GRIN2A: variants seen among roughly 807,000 people sequenced by gnomAD.
GRIN2A encodes the protein glutamate receptor ionotropic, NMDA 2A.
In GRIN2A, 22 loss-of-function variants were observed where a neutral mutation model predicts 113.4. The ratio of observed to expected loss-of-function variants is 0.19; its 90% CI spans 0.14 to 0.28. The LOEUF (loss-of-function observed/expected upper bound fraction) is 0.28. GRIN2A is among the 10% of genes least tolerant of loss of function. The pLI is 1.00. For synonymous variants in GRIN2A, 827 were observed against 738.4 expected, an observed-to-expected ratio of 1.12 and a Z score of -1.94; for missense variants, 1,502 against 1,887.0, an observed-to-expected ratio of 0.80 and a Z score of 3.78.
At chr16:10,142,503 G>C (rs944379608) in intron 2 of GRIN2A, among the ~76,000 whole-genome samples, 1 of 152,064 alleles carries the variant, frequency 6.6e-6, no homozygotes, top group Non-Finnish European at 1.5e-5. Context: ...GACCAGCCTG[G>C]GCAACACAGC....
intron 2 of GRIN2A, among the ~76,000 whole-genome samples, chr16:9,972,802 C>T (rs540517085): frequency 5.3e-5 from 8 of 152,078 alleles, no homozygotes; most frequent in African/African-American, 1.9e-4. Context: ...TAGACAGAGC[C>T]GATTTATCAA....
chr16:9,820,545 A>C (rs1023106192), intron 10 of GRIN2A, among the ~76,000 whole-genome samples: 1 of 152,274 alleles, frequency 6.6e-6, no homozygotes. Flanking sequence ...AGATTAGGAC[A>C]GAGACATCCA....
chr16:9,759,914 ACT>A lies in GRIN2A; in HGVS notation c.*3233_*3234del, dbSNP rs56746054. On this transcript the variant is annotated 3_prime_UTR_variant, in exon 13 of 13. Coordinates refer to ENST00000330684, the MANE Select transcript of GRIN2A (RefSeq NM_001134407.3). ...TCAAGTACAGTTTATGCTCTAGAAG[ACT>A]CTCTTACCCAGAGTATTTTAAATTG... 919 of 230,862 alleles carry A rather than the reference ACT, an allele frequency of 4.0e-3. 6 individuals carry two copies. Among genetic ancestry groups the A allele is most frequent in the African/African-American group, 0.019 (860 of 45,274 alleles). 14.3% of individuals were successfully genotyped at this position (230,862 alleles called of 1,614,324 possible).
At chr16:9,861,471 G>C (rs147938502) in intron 4 of GRIN2A, among the ~76,000 whole-genome samples, 1 of 152,166 alleles carries the variant, frequency 6.6e-6, no homozygotes, top group Non-Finnish European at 1.5e-5. Flanking sequence ...CAAACAAACC[G>C]ATCACAGGTT....
chr16:9,812,593 G>A (rs889469637), intron 10 of GRIN2A, among the ~76,000 whole-genome samples: 2 of 152,114 alleles, frequency 1.3e-5, no homozygotes, highest in Admixed American at 1.3e-4. Context: ...AGCTGAGATA[G>A]TACCGCTGCA....
chr16:9,947,175 T>C (rs2045039224), intron 2 of GRIN2A, among the ~76,000 whole-genome samples: 2 of 152,192 alleles, frequency 1.3e-5, no homozygotes, highest in Admixed American at 6.5e-5. Context: ...TCTTCCCTTT[T>C]TCCTGGGACA....
intron 2 of GRIN2A, among the ~76,000 whole-genome samples, chr16:10,116,827 T>C (rs13337372): frequency 0.065 from 9,878 of 152,116 alleles, 653 homozygotes; most frequent in African/African-American, 0.16. Flanking sequence ...AAGACAGTTC[T>C]GGGGGGCATT....
chr16:10,031,195 CT>C (rs1567246109), intron 2 of GRIN2A: 2 of 152,150 alleles, frequency 1.3e-5, no homozygotes, highest in African/African-American at 4.8e-5. Context: ...TACAATCTGC[CT>C]CTTTTAATCC....
chr16:10,078,930 C>T (rs548096037), intron 2 of GRIN2A, among the ~76,000 whole-genome samples: 55 of 152,348 alleles, frequency 3.6e-4, no homozygotes, highest in African/African-American at 1.3e-3. Flanking sequence ...ATTCTGAATC[C>T]CCAGTGTCTT....
chr16:10,094,648 C>G (rs1280549575), intron 2 of GRIN2A, among the ~76,000 whole-genome samples: 1 of 151,972 alleles, frequency 6.6e-6, no homozygotes, highest in East Asian at 1.9e-4. Context: ...CAGGGTTTCA[C>G]CACGTTGGCC....
At chr16:9,792,512 C>G (rs1902673137) in intron 11 of GRIN2A, among the ~76,000 whole-genome samples, 1 of 152,146 alleles carries the variant, frequency 6.6e-6, no homozygotes, top group Non-Finnish European at 1.5e-5. Context: ...GCATGAGCCA[C>G]TGCACCTAGC....
chr16:9,866,921 A>G (rs1049395307), intron 4 of GRIN2A, among the ~76,000 whole-genome samples: 1 of 152,100 alleles, frequency 6.6e-6, no homozygotes, highest in Non-Finnish European at 1.5e-5. Context: ...GCTTGACTCA[A>G]ATGACTCTGA....
intron 3 of GRIN2A, among the ~76,000 whole-genome samples, chr16:9,909,478 G>A (rs982444235): frequency 7.9e-5 from 12 of 152,206 alleles, no homozygotes; most frequent in Non-Finnish European, 1.2e-4. Context: ...TTGCCATTGA[G>A]CAACTGAAAT....
chr16:10,013,346 C>G (rs2046544258), intron 2 of GRIN2A, among the ~76,000 whole-genome samples: 1 of 152,188 alleles, frequency 6.6e-6, no homozygotes, highest in South Asian at 2.1e-4. Flanking sequence ...GGCCATCCAG[C>G]CTTAAGCATC....
intron 3 of GRIN2A, among the ~76,000 whole-genome samples, chr16:9,908,534 G>A (rs1056241270): frequency 1.3e-5 from 2 of 152,016 alleles, no homozygotes; most frequent in African/African-American, 4.8e-5. Context: ...AGGGAACAAA[G>A]GAGGAGAAAG....
chr16:10,085,845 T>C (rs1306284683), intron 2 of GRIN2A, among the ~76,000 whole-genome samples: 1 of 152,196 alleles, frequency 6.6e-6, no homozygotes. Context: ...ATTTAATTAG[T>C]TGGGGTGGTT....
rs1900645789 is a variant in GRIN2A at position 9,762,852 on chromosome 16, T to A, written c.*297A>T. ...TCACCATTGGCATCCAATGCATCAT[T>A]ATTGCCAACATACCCAGTAGGCATG... On this transcript the variant is annotated 3_prime_UTR_variant, in exon 13 of 13. Transcript: ENST00000330684. 4.1e-6 allele frequency: 2 copies of A among 490,888 alleles called. No homozygotes were observed. Among genetic ancestry groups the A allele is most frequent in the Non-Finnish European group, 7.3e-6 (2 of 272,902 alleles). 30.4% of individuals were successfully genotyped at this position (490,888 alleles called of 1,614,324 possible). A position where few individuals can be genotyped will look rare whatever the true frequency, so the allele number is the denominator to read the frequency against.
intron 2 of GRIN2A, among the ~76,000 whole-genome samples, chr16:10,106,595 C>T (rs2048505960): frequency 6.6e-6 from 1 of 152,056 alleles, no homozygotes; most frequent in Admixed American, 6.5e-5. Context: ...TCCCTGGTAC[C>T]TGGAAGTGGC....
intron 2 of GRIN2A, among the ~76,000 whole-genome samples, chr16:9,961,986 A>G (rs1434414315): frequency 6.6e-6 from 1 of 152,212 alleles, no homozygotes; most frequent in Admixed American, 6.5e-5. Flanking sequence ...GTCTTTGACA[A>G]ACCTGACAAA....
Sources: gnomAD v4.1 joint callset for allele counts (sites outside exome capture counted in the v4.1 genomes callset) on GRCh38, gnomAD v4.1.1 for gene constraint, MANE v1.5 for transcripts, NCBI Gene and HGNC (gene_info 2026-07-23, HGNC 2026-07-21) for gene names.